The following MAP3K9 variants were observed in gnomAD, a reference collection of about 807,000 sequenced individuals.
MAP3K9 encodes mixed lineage kinase 1 (tyr and ser/thr specificity).
In MAP3K9, 46 loss-of-function variants were observed where a neutral mutation model predicts 95.8. The observed-to-expected ratio is 0.48, with a 90% CI of 0.38 to 0.61. The LOEUF is 0.61. MAP3K9 is among the 20% of genes least tolerant of loss of function. The pLI, the probability that MAP3K9 is intolerant of heterozygous loss-of-function variation, is 0.00. For missense variants in MAP3K9, 1,296 were observed against 1,474.3 expected (o/e 0.88, Z 1.98); for synonymous variants, 533 against 593.8 (o/e 0.90, Z 1.49).
At chr14:70,806,258 G>A (rs1320690426) in intron 1 of MAP3K9, among the ~76,000 whole-genome samples, 1 of 152,208 alleles carries the variant, frequency 6.6e-6, no homozygotes, top group African/African-American at 2.4e-5. Flanking sequence ...CCAAGGCACT[G>A]CACTGAAGTT....
intron 2 of MAP3K9, among the ~76,000 whole-genome samples, chr14:70,777,909 G>A (rs1377303026): frequency 3.3e-5 from 5 of 152,192 alleles, no homozygotes; most frequent in Non-Finnish European, 5.9e-5. Context: ...CAACACGCAT[G>A]CCTGAGAATC....
intron 2 of MAP3K9, among the ~76,000 whole-genome samples, chr14:70,794,855 T>G (rs2054844942): frequency 1.3e-5 from 2 of 151,920 alleles, no homozygotes; most frequent in Middle Eastern, 3.4e-3. Context: ...CTTTTTGTAT[T>G]TTTAGTAGAG....
At chr14:70,742,671 C>G in intron 5 of MAP3K9, 80 bp from the exon 6 acceptor site, 7 of 1,520,988 alleles carry the variant, frequency 4.6e-6, no homozygotes, top group Non-Finnish European at 5.3e-6. Context: ...CTGAGAGCTC[C>G]CAGAGGGCTT....
intron 2 of MAP3K9, among the ~76,000 whole-genome samples, chr14:70,769,160 C>G (rs1274576287): frequency 6.6e-6 from 1 of 151,982 alleles, no homozygotes; most frequent in Non-Finnish European, 1.5e-5. Context: ...ATAGCACCAC[C>G]ATGTTTGTGC....
At chr14:70,753,361 T>C (rs1372990706) in intron 3 of MAP3K9, among the ~76,000 whole-genome samples, 1 of 152,242 alleles carries the variant, frequency 6.6e-6, no homozygotes, top group African/African-American at 2.4e-5. Context: ...GAAGTCTTTC[T>C]GGGGCTGACT....
chr14:70,787,079 C>T (rs2054753717), intron 2 of MAP3K9, among the ~76,000 whole-genome samples: 2 of 152,132 alleles, frequency 1.3e-5, no homozygotes, highest in Non-Finnish European at 2.9e-5. Context: ...AAGATGAAAA[C>T]AGTTGTATCT....
chr14:70,761,243 G>T (rs2054370816), intron 2 of MAP3K9, 61 bp from the exon 3 acceptor site: 3 of 1,394,742 alleles, frequency 2.2e-6, no homozygotes, highest in Non-Finnish European at 3.0e-6. Context: ...GGAAACCACA[G>T]AACAGAACTC....
chr14:70,805,151 C>G (rs2054976563), intron 1 of MAP3K9, among the ~76,000 whole-genome samples: 1 of 152,178 alleles, frequency 6.6e-6, no homozygotes, highest in Non-Finnish European at 1.5e-5. Flanking sequence ...TTTTTAAAGT[C>G]AAGATGTTAT....
chr14:70,771,070 T>C (rs772989871), intron 2 of MAP3K9, among the ~76,000 whole-genome samples: 11 of 152,052 alleles, frequency 7.2e-5, no homozygotes, highest in Middle Eastern at 3.2e-3. Context: ...TTGCTTTCCC[T>C]ACTGTCAACT....
At chr14:70,801,983 GA>G (rs1484680734) in intron 1 of MAP3K9, among the ~76,000 whole-genome samples, 2 of 152,208 alleles carry the variant, frequency 1.3e-5, no homozygotes, top group Non-Finnish European at 2.9e-5. Context: ...ACCAGGCCAG[GA>G]AATGTCTTTA....
chr14:70,756,676 A>G (rs530850922), intron 3 of MAP3K9, among the ~76,000 whole-genome samples: 1 of 152,360 alleles, frequency 6.6e-6, no homozygotes, highest in East Asian at 1.9e-4. Context: ...ATACACACAT[A>G]ACAGTCACCC....
intron 9 of MAP3K9, 105 bp downstream of exon 9, chr14:70,735,856 C>T: frequency 1.1e-6 from 1 of 907,526 alleles, no homozygotes; most frequent in Non-Finnish European, 1.8e-6. Context: ...CAGTTCAGCC[C>T]TGGCAATAAC....
chr14:70,809,085 G>T lies in MAP3K9; in HGVS notation c.87C>A (p.Ala29=). 7.0e-7 allele frequency: 1 copy of T among 1,422,330 alleles called. No homozygotes were observed. Among genetic ancestry groups the T allele is most frequent in the Non-Finnish European group, 9.1e-7 (1 of 1,096,046 alleles). 88.1% of individuals were successfully genotyped at this position (1,422,330 alleles called of 1,614,324 possible). A position where few individuals can be genotyped will look rare whatever the true frequency, so the allele number is the denominator to read the frequency against. ...CCTCCTCCTCCTCCTCCTCCTCCTC[G>T]GCCCCGGCCCCTGCTCCATCCTCCC... ...PPGEDGAGAG[A]EEEEEEEEEA... is the part of the protein sequence containing the mutation. Residue 29 remains alanine, a synonymous_variant, in exon 1 of 12, where the codon GCC becomes GCA. Transcript: ENST00000554752.
At chr14:70,753,368 G>A (rs1338254129) in intron 3 of MAP3K9, among the ~76,000 whole-genome samples, 2 of 152,232 alleles carry the variant, frequency 1.3e-5, no homozygotes, top group Non-Finnish European at 1.5e-5. Context: ...TTCTGGGGCT[G>A]ACTAAACTAG....
In MAP3K9 at chr14:70,761,188, C is replaced by T; in HGVS notation, c.821-6G>A. ...CACCTTCTGGAGGATCAATACTAGG[C>T]AAGGAAAAGAATACAGAAGAAACCA... On this transcript the variant is annotated splice_polypyrimidine_tract_variant and splice_region_variant and intron_variant, in intron 2 of 11. Transcript: ENST00000554752. The T allele has an allele frequency of 1.2e-6, 2 of 1,606,438 alleles. No homozygotes were observed. The highest frequency in any genetic ancestry group is 2.2e-5 in the South Asian group (2 of 90,150).
chr14:70,750,691 G>A (rs2054213771), intron 3 of MAP3K9, among the ~76,000 whole-genome samples: 1 of 152,060 alleles, frequency 6.6e-6, no homozygotes, highest in African/African-American at 2.4e-5. Flanking sequence ...CACCACACTG[G>A]CCAGGCTGGT....
At chr14:70,799,711 C>T (rs146704280) in intron 2 of MAP3K9, among the ~76,000 whole-genome samples, 109 of 152,312 alleles carry the variant, frequency 7.2e-4, no homozygotes, top group African/African-American at 2.5e-3. Context: ...CTGGAACAGC[C>T]TGGAGCAAAA....
At chr14:70,802,213 C>T (rs984124762) in intron 1 of MAP3K9, among the ~76,000 whole-genome samples, 5 of 152,150 alleles carry the variant, frequency 3.3e-5, no homozygotes, top group African/African-American at 1.2e-4. Context: ...ATAGGGAGTA[C>T]GCAGTCAATT....
chr14:70,795,589 G>A (rs2054855748), intron 2 of MAP3K9, among the ~76,000 whole-genome samples: 1 of 152,120 alleles, frequency 6.6e-6, no homozygotes, highest in Non-Finnish European at 1.5e-5. Flanking sequence ...TGGGATTACA[G>A]GCTTAAGCCA....
Sources: gnomAD v4.1 joint callset for allele counts (sites outside exome capture counted in the v4.1 genomes callset) on GRCh38, gnomAD v4.1.1 for gene constraint, MANE v1.5 for transcripts, NCBI Gene and HGNC (gene_info 2026-07-23, HGNC 2026-07-21) for gene names.